Variants in KCNIP4 observed in about 807,000 individuals in gnomAD.
KCNIP4 encodes potassium voltage-gated channel interacting protein 4, also known as Kv channel-interacting protein 4.
A neutral mutation model predicts 34.0 loss-of-function variants in KCNIP4; 12 were observed. The ratio of observed to expected loss-of-function variants is 0.35; its 90% confidence interval spans 0.23 to 0.57. KCNIP4 has a LOEUF of 0.57. KCNIP4 is among the 20% of genes least tolerant of loss of function. The pLI is 0.83. For missense variants in KCNIP4, 238 were observed against 311.7 expected (o/e 0.76, Z 1.78); for synonymous variants, 124 against 102.2 (o/e 1.21, Z -1.29).
At chr4:20,914,397 G>C (rs887612067) in intron 1 of KCNIP4, among the ~76,000 whole-genome samples, 3 of 152,092 alleles carry the variant, frequency 2.0e-5, no homozygotes, top group African/African-American at 7.2e-5. Flanking sequence ...TCATAAAAGA[G>C]ACCCCGGAGA....
chr4:21,336,601 A>AATATACCT (rs1240388973), intron 1 of KCNIP4, among the ~76,000 whole-genome samples: 1 of 152,132 alleles, frequency 6.6e-6, no homozygotes, highest in Non-Finnish European at 1.5e-5. Context: ...ATGTCCTCTG[A>AATATACCT]ATATACCTCT....
At chr4:21,552,523 C>G (rs1228018450) in intron 1 of KCNIP4, among the ~76,000 whole-genome samples, 1 of 152,152 alleles carries the variant, frequency 6.6e-6, no homozygotes, top group East Asian at 1.9e-4. Flanking sequence ...GCTATTTCCT[C>G]CTGTTATTAC....
intron 1 of KCNIP4, among the ~76,000 whole-genome samples, chr4:21,230,657 G>A (rs1436030169): frequency 6.6e-6 from 1 of 152,038 alleles, no homozygotes; most frequent in Non-Finnish European, 1.5e-5. Context: ...GAGCATAATG[G>A]CCTCCAGCTC....
At chr4:21,581,444 A>G (rs887821228) in intron 1 of KCNIP4, among the ~76,000 whole-genome samples, 4 of 152,044 alleles carry the variant, frequency 2.6e-5, no homozygotes, top group Admixed American at 2.0e-4. Flanking sequence ...TAAAGAAGAT[A>G]GGAAGGTAAC....
chr4:20,778,126 G>A (rs2149387974), intron 3 of KCNIP4, among the ~76,000 whole-genome samples: 1 of 152,306 alleles, frequency 6.6e-6, no homozygotes, highest in Non-Finnish European at 1.5e-5. Flanking sequence ...GTTAGGTCCA[G>A]AGAAGTCACA....
At chr4:21,406,799 G>A (rs1367821577) in intron 1 of KCNIP4, among the ~76,000 whole-genome samples, 1 of 152,138 alleles carries the variant, frequency 6.6e-6, no homozygotes, top group East Asian at 1.9e-4. Context: ...ACAATTGAGA[G>A]TATTCGTGAA....
At chr4:21,197,493 T>A (rs774608843) in intron 1 of KCNIP4, among the ~76,000 whole-genome samples, 48 of 152,268 alleles carry the variant, frequency 3.2e-4, no homozygotes, top group Non-Finnish European at 6.0e-4. Flanking sequence ...TTTTACAGAT[T>A]TTTTTCAATA....
At chr4:21,624,278 G>C (rs1382872364) in intron 1 of KCNIP4, among the ~76,000 whole-genome samples, 2 of 152,090 alleles carry the variant, frequency 1.3e-5, no homozygotes, top group Non-Finnish European at 2.9e-5. Flanking sequence ...GAAGTTCATA[G>C]AGAATTTTCA....
intron 1 of KCNIP4, among the ~76,000 whole-genome samples, chr4:21,222,127 C>T (rs1359773282): frequency 6.6e-6 from 1 of 152,150 alleles, no homozygotes; most frequent in East Asian, 1.9e-4. Context: ...TGACAATGTC[C>T]TTTTCTCCCC....
rs139421338 is a variant in KCNIP4, at chr4:21,820,677, T to C, written c.61+127894A>G. Reference sequence around the variant, plus strand: ...GCTTTAGAAAGGTTCGGATGATTTGTTTATTTTGCTCTGCTGATAATTTCA... The same window carrying C: ...GCTTTAGAAAGGTTCGGATGATTTGCTTATTTTGCTCTGCTGATAATTTCA... On this transcript the variant is annotated intron_variant, in intron 1 of 8. Transcript: ENST00000382152. Among the ~76,000 whole-genome samples, 1,278 of 152,274 alleles carry C rather than the reference T, an allele frequency of 8.4e-3. 13 individuals are homozygous for C. The highest frequency in any genetic ancestry group is 0.028 in the South Asian group (135 of 4,824).
intron 1 of KCNIP4, among the ~76,000 whole-genome samples, chr4:21,912,126 A>C (rs182144136): frequency 6.6e-6 from 1 of 152,098 alleles, no homozygotes; most frequent in African/African-American, 2.4e-5. Flanking sequence ...CTCATTTTTT[A>C]AACTGTAATG....
rs1489196438 is a variant in KCNIP4 at position 20,729,081 on chromosome 4, T to TCTTAGTAGACAGTGG, written c.*986_*1000dup. ...CTTGCTAATTTTGCTTGCTGTTTGT[T>TCTTAGTAGACAGTGG]CTTAGTAGACAGTGGGGTAGTCAAG... On this transcript the variant is annotated 3_prime_UTR_variant, in exon 9 of 9. Coordinates refer to ENST00000382152, the MANE Select transcript of KCNIP4 (RefSeq NM_025221.6). The TCTTAGTAGACAGTGG allele has an allele frequency of 2.0e-5, 3 of 152,062 alleles. No individual in the cohort carries two copies. Among genetic ancestry groups the TCTTAGTAGACAGTGG allele is most frequent in the Non-Finnish European group, 2.9e-5 (2 of 68,012 alleles). The allele number at this position is 152,062 out of a possible 1,614,324, so 9.4% of individuals were successfully genotyped here.
intron 3 of KCNIP4, among the ~76,000 whole-genome samples, chr4:20,822,384 T>C (rs1337616331): frequency 1.3e-5 from 2 of 152,176 alleles, no homozygotes; most frequent in South Asian, 2.1e-4. Flanking sequence ...CACCTTACTC[T>C]TGCAAGAATG....
chr4:21,583,654 A>C (rs1202018469), intron 1 of KCNIP4, among the ~76,000 whole-genome samples: 1 of 152,058 alleles, frequency 6.6e-6, no homozygotes, highest in Non-Finnish European at 1.5e-5. Flanking sequence ...TTTAAAGGGT[A>C]AATTTTCATG....
intron 1 of KCNIP4, among the ~76,000 whole-genome samples, chr4:21,031,191 T>C (rs1039577389): frequency 6.6e-6 from 1 of 152,232 alleles, no homozygotes; most frequent in African/African-American, 2.4e-5. Context: ...CATGGCTTTC[T>C]GGAATTACTT....
rs531728371 is a variant in KCNIP4 at position 21,553,785 on chromosome 4, T to C, written c.61+394786A>G. ...TTATTACCCCCATTGTTAGCATAAA[T>C]CAAGAGAGTGTCTGTTCTCCACCTT... On this transcript the variant is annotated intron_variant, in intron 1 of 8. Coordinates refer to ENST00000382152, the MANE Select transcript of KCNIP4 (RefSeq NM_025221.6). 3.3e-5 allele frequency among the ~76,000 whole-genome samples: 5 copies of C among 152,224 alleles called. No homozygotes were observed. In the South Asian group the frequency reaches 1.0e-3, roughly 32 times the overall value.
At chr4:21,306,821 C>CTTTTTTTTTTTTTTT (rs199792803) in intron 1 of KCNIP4, among the ~76,000 whole-genome samples, 1 of 145,810 alleles carries the variant, frequency 6.9e-6, no homozygotes. Flanking sequence ...TAGGCAGGAA[C>CTTTTTTTTTTTTTTT]TTTTTTTTTT....
Position 21,677,722 on chromosome 4 carries a change from A to C in KCNIP4, c.61+270849T>G, listed in dbSNP as rs148502207. Among the ~76,000 whole-genome samples, 63 of 152,194 alleles carry C rather than the reference A, an allele frequency of 4.1e-4. 1 individual carries two copies. Among genetic ancestry groups the C allele is most frequent in the Middle Eastern group, 3.4e-3 (1 of 294 alleles). Reference sequence around the variant, plus strand: ...CTGCAGCCTCCACTGCTACCACCCTAGTCACAGCCACCACTCTTCCCACTG... The same window carrying C: ...CTGCAGCCTCCACTGCTACCACCCTCGTCACAGCCACCACTCTTCCCACTG... On this transcript the variant is annotated intron_variant, in intron 1 of 8. Transcript: ENST00000382152.
At chr4:21,323,183 ATGAGATATGTATGCAGGCATGTGG>A in intron 1 of KCNIP4, among the ~76,000 whole-genome samples, 1 of 145,802 alleles carries the variant, frequency 6.9e-6, no homozygotes, top group South Asian at 2.1e-4. Flanking sequence ...TATGGAATAC[ATGAGATATGTATGCAGGCATGTGG>A]TGTGTAATAA....
Sources: gnomAD v4.1 joint callset for allele counts (sites outside exome capture counted in the v4.1 genomes callset) on GRCh38, gnomAD v4.1.1 for gene constraint, MANE v1.5 for transcripts, NCBI Gene and HGNC (gene_info 2026-07-23, HGNC 2026-07-21) for gene names.